Variants in HMGA2 observed in about 807,000 individuals in gnomAD.
HMGA2 encodes high mobility group AT-hook 2.
Under a neutral mutation model 19.1 loss-of-function variants are expected in HMGA2, and 8 were observed. The observed-to-expected ratio is 0.42, with a 90% CI of 0.25 to 0.76. HMGA2 has a LOEUF of 0.76. Among genes scored for constraint, HMGA2 ranks in the 30% least tolerant of loss-of-function variants. The probability of loss-of-function intolerance (pLI) is 0.28; values close to 1 mark genes in which losing one functional copy is unlikely to be tolerated. For missense variants in HMGA2, 109 were observed against 136.3 expected (o/e 0.80, Z 1.00); for synonymous variants, 60 against 48.8 (o/e 1.23, Z -0.96).
At chr12:65,897,089 A>T (rs1261178337) in intron 3 of HMGA2, among the ~76,000 whole-genome samples, 1 of 152,184 alleles carries the variant, frequency 6.6e-6, no homozygotes, top group Non-Finnish European at 1.5e-5. Flanking sequence ...CTATTTTTTT[A>T]AAGTTTTTAT....
chr12:65,915,175 C>T (rs1565731260), intron 3 of HMGA2: 1 of 1,611,358 alleles, frequency 6.2e-7, no homozygotes, highest in Non-Finnish European at 8.5e-7. Flanking sequence ...GTTATTTTCA[C>T]CTTGAGGAAT....
chr12:65,939,795 A>C (rs963984758), intron 3 of HMGA2, among the ~76,000 whole-genome samples: 2 of 152,258 alleles, frequency 1.3e-5, no homozygotes, highest in African/African-American at 4.8e-5. Context: ...CACAGAGACC[A>C]TACTGGACAA....
intron 3 of HMGA2, chr12:65,858,810 G>A (rs1565710495): frequency 6.6e-6 from 1 of 152,132 alleles, no homozygotes; most frequent in Non-Finnish European, 1.5e-5. Context: ...TTTTTAAAAG[G>A]CAGCCCTTCT....
intron 3 of HMGA2, among the ~76,000 whole-genome samples, chr12:65,890,628 G>A (rs1025387131): frequency 2.0e-5 from 3 of 151,900 alleles, no homozygotes; most frequent in African/African-American, 7.3e-5. Flanking sequence ...CCATGCACAC[G>A]TACTCAGCTT....
chr12:65,890,407 T>C (rs183599887), intron 3 of HMGA2, among the ~76,000 whole-genome samples: 1 of 152,236 alleles, frequency 6.6e-6, no homozygotes, highest in Non-Finnish European at 1.5e-5. Flanking sequence ...AAATCATGCT[T>C]ACTTATTCAT....
intron 3 of HMGA2, among the ~76,000 whole-genome samples, chr12:65,931,776 G>A (rs949565053): frequency 5.3e-5 from 8 of 152,094 alleles, no homozygotes; most frequent in African/African-American, 1.7e-4. Context: ...CCCAAGAAAT[G>A]AAGGTTTGTT....
intron 3 of HMGA2, among the ~76,000 whole-genome samples, chr12:65,875,589 ATTTTTTTTTTTTTTTTTTTTT>A (rs71096056): frequency 0.071 from 1,862 of 26,128 alleles, 76 homozygotes; most frequent in Middle Eastern, 0.12. Flanking sequence ...GTGCCCGGCT[ATTTTTTTTTTTTTTTTTTTTT>A]TTTTTTTTTT....
rs1592438556 is a variant in HMGA2 at position 65,909,497 on chromosome 12, A to G, written c.250-41886A>G. Among the ~76,000 whole-genome samples the G allele has an allele frequency of 3.9e-5, 6 of 152,298 alleles. 2 individuals carry two copies. Among genetic ancestry groups the G allele is most frequent in the Admixed American group, 3.9e-4 (6 of 15,296 alleles). On this transcript the variant is annotated intron_variant, in intron 3 of 4. Transcript: ENST00000403681. The stretch of plus-strand genomic sequence containing the variant: ...TAGGGAAGACAAAGTTAGAAATGCT[A>G]TTATTCTCTCAGGCTAACTTGAGAA...
intron 3 of HMGA2, chr12:65,858,323 C>T (rs1871851078): frequency 6.6e-6 from 1 of 151,098 alleles, no homozygotes; most frequent in Non-Finnish European, 1.5e-5. Flanking sequence ...TTCTCTCTAC[C>T]TTTCTCATTT....
chr12:65,935,187 A>G (rs1320070053), intron 3 of HMGA2: 2 of 152,220 alleles, frequency 1.3e-5, no homozygotes, highest in Non-Finnish European at 2.9e-5. Flanking sequence ...CTTCCATATT[A>G]GCTTTGTGTT....
At chr12:65,870,859 A>T (rs1216628602) in intron 3 of HMGA2, among the ~76,000 whole-genome samples, 1 of 152,182 alleles carries the variant, frequency 6.6e-6, no homozygotes, top group Non-Finnish European at 1.5e-5. Context: ...GCTAGTTTGG[A>T]TTGGATAGTG....
At chr12:65,961,567 A>G (rs73329619) in intron 4 of HMGA2, among the ~76,000 whole-genome samples, 6,536 of 152,232 alleles carry the variant, frequency 0.043, 484 homozygotes, top group African/African-American at 0.15. Flanking sequence ...GTGAAATCTC[A>G]TGACTTGATG....
In HMGA2 at chr12:65,964,299, A is replaced by AT. The variant is rs1555189598; in HGVS notation, c.*1007_*1008insT. 9.6e-6 allele frequency: 2 copies of AT among 207,416 alleles called. No individual in the cohort carries two copies. The highest frequency in any genetic ancestry group is 2.3e-5 in the African/African-American group (1 of 43,248). 12.8% of individuals were successfully genotyped at this position (207,416 alleles called of 1,614,324 possible). On this transcript the variant is annotated 3_prime_UTR_variant, in exon 5 of 5. Transcript: ENST00000403681. ...ATCAATTTAAAAAGCAAAAAAAAAAAAGGGGGGGGCAATCTCTCTCTGTGT... is the reference window on the plus strand; with the variant it reads ...ATCAATTTAAAAAGCAAAAAAAAAAATAGGGGGGGGCAATCTCTCTCTGTGT...
chr12:65,924,930 G>T (rs911081602), intron 3 of HMGA2, among the ~76,000 whole-genome samples: 2 of 152,124 alleles, frequency 1.3e-5, no homozygotes, highest in Non-Finnish European at 2.9e-5. Flanking sequence ...TTTCTAGAGT[G>T]GGGCTGGCAA....
At chr12:65,888,675 T>C (rs956077071) in intron 3 of HMGA2, among the ~76,000 whole-genome samples, 3 of 140,624 alleles carry the variant, frequency 2.1e-5, no homozygotes, top group African/African-American at 7.8e-5. Context: ...GCCATTCTCC[T>C]GCCTCAGCCT....
At chr12:65,876,462 A>G (rs1378975972) in intron 3 of HMGA2, among the ~76,000 whole-genome samples, 1 of 152,226 alleles carries the variant, frequency 6.6e-6, no homozygotes, top group Non-Finnish European at 1.5e-5. Context: ...GCATAAGGCA[A>G]TTGTGAATAC....
chr12:65,943,990 G>C (rs891162149), intron 3 of HMGA2, among the ~76,000 whole-genome samples: 2 of 152,146 alleles, frequency 1.3e-5, no homozygotes, highest in Non-Finnish European at 1.5e-5. Flanking sequence ...AAACAGAAAA[G>C]CTTTCAACCC....
At chr12:65,939,926 T>C (rs1315267761) in intron 3 of HMGA2, among the ~76,000 whole-genome samples, 1 of 152,172 alleles carries the variant, frequency 6.6e-6, no homozygotes, top group Non-Finnish European at 1.5e-5. Flanking sequence ...ATGGCATCTG[T>C]ATGGGGAACA....
chr12:65,842,872 G>T lies in HMGA2; in HGVS notation c.249+4303G>T, dbSNP rs909020860. The T allele has an allele frequency of 1.4e-5, 18 of 1,285,512 alleles. No homozygotes were observed. The African/African-American group carries it at 2.5e-4, about 18-fold the overall frequency. 79.6% of individuals were successfully genotyped at this position (1,285,512 alleles called of 1,614,324 possible). A position where few individuals can be genotyped will look rare whatever the true frequency, so the allele number is the denominator to read the frequency against. ...GTATTTGGAGAAAGTTTTAGAGAGT[G>T]GGGCTCAGGCTCAAGAATACAATGA... On this transcript the variant is annotated intron_variant, in intron 3 of 4. Transcript: ENST00000403681.
Sources: gnomAD v4.1 joint callset for allele counts (sites outside exome capture counted in the v4.1 genomes callset) on GRCh38, gnomAD v4.1.1 for gene constraint, MANE v1.5 for transcripts, NCBI Gene and HGNC (gene_info 2026-07-23, HGNC 2026-07-21) for gene names.